The following CDH12 variants were observed in gnomAD, a reference collection of about 807,000 sequenced individuals.
CDH12 encodes the protein cadherin-12.
A neutral mutation model predicts 74.1 loss-of-function variants in CDH12; 41 were observed. The observed-to-expected ratio is 0.55, with a 90% CI of 0.43 to 0.72. The LOEUF (loss-of-function observed/expected upper bound fraction) is 0.72. CDH12 is among the 30% of genes least tolerant of loss of function. CDH12 has a pLI of 0.00. For synonymous variants in CDH12, 399 were observed against 355.0 expected (o/e 1.12, Z -1.39); for missense variants, 945 against 977.2 (o/e 0.97, Z 0.44).
chr5:22,608,452 C>T (rs1323578835), intron 1 of CDH12, among the ~76,000 whole-genome samples: 1 of 152,134 alleles, frequency 6.6e-6, no homozygotes, highest in African/African-American at 2.4e-5. Flanking sequence ...AACTAACTTG[C>T]TTTTGATTTT....
chr5:21,758,890 T>C (rs570616902), intron 13 of CDH12, among the ~76,000 whole-genome samples: 1 of 152,172 alleles, frequency 6.6e-6, no homozygotes, highest in African/African-American at 2.4e-5. Context: ...CACCATATAC[T>C]CTTACTTATA....
intron 2 of CDH12, among the ~76,000 whole-genome samples, chr5:22,406,444 C>T (rs1368748874): frequency 2.6e-5 from 4 of 152,052 alleles, no homozygotes; most frequent in East Asian, 3.9e-4. Context: ...CTACAGTTTA[C>T]AGGAATATAT....
chr5:21,975,684 ATTC>A (rs1370571253), intron 5 of CDH12, among the ~76,000 whole-genome samples: 4 of 152,070 alleles, frequency 2.6e-5, no homozygotes, highest in Non-Finnish European at 5.9e-5. Context: ...TCTCATATCT[ATTC>A]TTCTGTTCAT....
At chr5:22,110,463 A>G (rs1316229964) in intron 4 of CDH12, among the ~76,000 whole-genome samples, 1 of 145,742 alleles carries the variant, frequency 6.9e-6, no homozygotes, top group Non-Finnish European at 1.5e-5. Context: ...TTCAAAGGTA[A>G]TTTGGGGGAA....
chr5:22,513,636 T>C (rs1736696790), intron 1 of CDH12, among the ~76,000 whole-genome samples: 1 of 152,088 alleles, frequency 6.6e-6, no homozygotes, highest in South Asian at 2.1e-4. Context: ...TATAGAAGGA[T>C]GTTATAGAGT....
chr5:22,078,860 G>A lies in CDH12; in HGVS notation c.-184C>T. On this transcript the variant is annotated splice_region_variant and 5_prime_UTR_variant, in exon 5 of 15. Coordinates refer to ENST00000382254, the MANE Select transcript of CDH12 (RefSeq NM_004061.5). ...TGCTGTATTATATTCCATCTAAAGG[G>A]GCCTATGAAATAGATGAACAAAGAT... 1 of 1,341,076 alleles carries A rather than the reference G, an allele frequency of 7.5e-7. No homozygotes were observed. Among genetic ancestry groups the A allele is most frequent in the African/African-American group, 1.5e-5 (1 of 67,698 alleles). 83.1% of individuals were successfully genotyped at this position (1,341,076 alleles called of 1,614,324 possible). A position where few individuals can be genotyped will look rare whatever the true frequency, so the allele number is the denominator to read the frequency against.
rs1744052856 is a variant in CDH12, at chr5:21,751,599, C to G, written c.*138G>C. The G allele has an allele frequency of 4.8e-6, 2 of 414,614 alleles. No homozygotes were observed. Among genetic ancestry groups the G allele is most frequent in the Non-Finnish European group, 8.1e-6 (2 of 245,436 alleles). 25.7% of individuals were successfully genotyped at this position (414,614 alleles called of 1,614,324 possible). A position where few individuals can be genotyped will look rare whatever the true frequency, so the allele number is the denominator to read the frequency against. On this transcript the variant is annotated 3_prime_UTR_variant, in exon 15 of 15. Coordinates refer to ENST00000382254, the MANE Select transcript of CDH12 (RefSeq NM_004061.5). ...CTAGAAACCAGGTAATCAAAGGAAT[C>G]TTGTCCCAGAGTGTGTGTGTGTGTG...
chr5:21,797,803 G>A (rs1455862690), intron 10 of CDH12, among the ~76,000 whole-genome samples: 1 of 152,062 alleles, frequency 6.6e-6, no homozygotes, highest in East Asian at 1.9e-4. Context: ...ACCTAATAAT[G>A]TTTTTTACTT....
intron 5 of CDH12, among the ~76,000 whole-genome samples, chr5:22,007,903 A>T (rs2150149844): frequency 6.6e-6 from 1 of 152,086 alleles, no homozygotes. Flanking sequence ...GTCTATTTTC[A>T]GTTGCAAAGG....
intron 7 of CDH12, among the ~76,000 whole-genome samples, chr5:21,849,771 T>C (rs1223395231): frequency 1.3e-5 from 2 of 151,718 alleles, no homozygotes; most frequent in Non-Finnish European, 3.0e-5. Context: ...GAATGCTCTA[T>C]CCCCATGTGA....
intron 5 of CDH12, among the ~76,000 whole-genome samples, chr5:22,024,727 T>C (rs1375633998): frequency 6.6e-6 from 1 of 152,070 alleles, no homozygotes; most frequent in Non-Finnish European, 1.5e-5. Flanking sequence ...TTGGTCAGGT[T>C]GGTCTTGAAC....
intron 2 of CDH12, among the ~76,000 whole-genome samples, chr5:22,447,374 G>C (rs12660009): frequency 0.13 from 18,985 of 151,854 alleles, 1,180 homozygotes; most frequent in Non-Finnish European, 0.14. Context: ...AACTTTTTCA[G>C]TCTTTCAGTA....
intron 14 of CDH12, among the ~76,000 whole-genome samples, chr5:21,753,718 C>T (rs1299695036): frequency 6.6e-6 from 1 of 152,086 alleles, no homozygotes; most frequent in Non-Finnish European, 1.5e-5. Flanking sequence ...CAAAAATTCA[C>T]CATGCCTAGA....
At chr5:22,088,295 A>C (rs1044702828) in intron 4 of CDH12, among the ~76,000 whole-genome samples, 4 of 152,132 alleles carry the variant, frequency 2.6e-5, no homozygotes, top group Non-Finnish European at 5.9e-5. Context: ...TGAGTTGTAG[A>C]AACACTATTT....
intron 3 of CDH12, among the ~76,000 whole-genome samples, chr5:22,374,330 A>G (rs1322829474): frequency 6.6e-6 from 1 of 152,178 alleles, no homozygotes; most frequent in Non-Finnish European, 1.5e-5. Flanking sequence ...AAGACTGGCC[A>G]TAACAAACAC....
chr5:22,108,291 C>T (rs561421742), intron 4 of CDH12, among the ~76,000 whole-genome samples: 16 of 152,274 alleles, frequency 1.1e-4, no homozygotes, highest in East Asian at 1.9e-4. Flanking sequence ...TCTTCTGCCA[C>T]GACTGTGAGG....
intron 5 of CDH12, among the ~76,000 whole-genome samples, chr5:21,990,797 C>A (rs1432021293): frequency 2.0e-5 from 3 of 151,598 alleles, no homozygotes; most frequent in Non-Finnish European, 2.9e-5. Flanking sequence ...GACAGGCAGG[C>A]TAACTTGGCT....
At chr5:21,943,830 C>T (rs1028262888) in intron 6 of CDH12, among the ~76,000 whole-genome samples, 2 of 152,076 alleles carry the variant, frequency 1.3e-5, no homozygotes, top group African/African-American at 4.8e-5. Context: ...AAATATAGGA[C>T]ATCTTACTCA....
At chr5:22,763,605 C>T (rs1244122218) in intron 1 of CDH12, among the ~76,000 whole-genome samples, 5 of 151,882 alleles carry the variant, frequency 3.3e-5, no homozygotes, top group African/African-American at 1.2e-4. Context: ...CCATTCTCTT[C>T]TATATAGTGA....
Sources: allele counts gnomAD v4.1 joint callset (sites outside exome capture counted in the v4.1 genomes callset), GRCh38; gene constraint gnomAD v4.1.1; transcripts MANE v1.5; gene names NCBI Gene and HGNC (gene_info 2026-07-23, HGNC 2026-07-21).